Variants in SLC25A11 observed in about 807,000 individuals in gnomAD.
SLC25A11 encodes solute carrier family 25 member 11.
A neutral mutation model predicts 32.7 loss-of-function variants in SLC25A11; 11 were observed. The observed-to-expected ratio is 0.34, with a 90% CI of 0.21 to 0.56. The LOEUF (loss-of-function observed/expected upper bound fraction) is 0.56, where lower values mean the gene tolerates loss of function less well. Ranked by LOEUF, SLC25A11 falls within the 20% of genes least tolerant of loss-of-function variation. The probability of loss-of-function intolerance (pLI) is 0.90; values close to 1 mark genes in which losing one functional copy is unlikely to be tolerated. For synonymous variants in SLC25A11, 163 were observed against 168.3 expected (o/e 0.97, Z 0.24); for missense variants, 295 against 426.3 (o/e 0.69, Z 2.71).
Position 4,939,939 on chromosome 17 carries a change from C to A in SLC25A11, c.-29G>T. The A allele has an allele frequency of 6.4e-7, 1 of 1,572,340 alleles. No individual in the cohort carries two copies. The highest frequency in any genetic ancestry group is 1.1e-5 in the South Asian group (1 of 87,818). ...CACTCAATGGCCCTCGGCTCCGGGT[C>A]CCGTGCGCGCGCGGCCCCGCTCGCG... On this transcript the variant is annotated 5_prime_UTR_variant, in exon 1 of 8. Transcript: ENST00000225665. The surrounding 1 kb of genome is among the most constrained non-coding windows in gnomAD (Gnocchi z 4.1).
In SLC25A11 at chr17:4,939,476, C is replaced by A; in HGVS notation, c.96-264G>T. On this transcript the variant is annotated intron_variant, in intron 1 of 7. Coordinates refer to ENST00000225665, the MANE Select transcript of SLC25A11 (RefSeq NM_003562.5). This position sits in a 1 kb window ranked among gnomAD's most constrained non-coding sequence, Gnocchi z 4.1. ...GCAGTGACCTGGGGCTGCACGCAGT[C>A]CGACACAGGGAGGGGAGGAAGGGGC... The A allele has an allele frequency of 1.7e-6, 1 of 578,386 alleles. No homozygotes were observed. The highest frequency in any genetic ancestry group is 3.1e-6 in the Non-Finnish European group (1 of 326,896). The allele number at this position is 578,386 out of a possible 1,614,324, so 35.8% of individuals were successfully genotyped here.
chr17:4,939,151 C>T lies in SLC25A11; in HGVS notation c.157G>A (p.Gly53Arg). The change falls in exon 2 of 8, where the codon GGG (glycine) becomes AGG (arginine). Residue 53 changes from glycine (G) to arginine (R), a missense_variant. Transcript: ENST00000225665. This position sits in a 1 kb window ranked among gnomAD's most constrained non-coding sequence, Gnocchi z 4.1. ...DLVKNRMQLS[G>R]EGAKTREYKT... ...TACTCTCGAGTCTTGGCCCCTTCCC[C>T]GCTCAACTGCATCCGGTTCTTCACC... 4 of 1,613,882 alleles carry T rather than the reference C, an allele frequency of 2.5e-6. No homozygotes were observed. The highest frequency in any genetic ancestry group is 3.4e-6 in the Non-Finnish European group (4 of 1,179,768).
In SLC25A11 at chr17:4,938,212, T is replaced by C; in HGVS notation, c.679A>G (p.Met227Val). 1 of 1,614,082 alleles carries C rather than the reference T, an allele frequency of 6.2e-7. No individual in the cohort carries two copies. The highest frequency in any genetic ancestry group is 8.5e-7 in the Non-Finnish European group (1 of 1,179,972). Residue 227 changes from methionine (M) to valine (V), a missense_variant, in exon 6 of 8, where the codon ATG becomes GTG. By Grantham distance (21) the Met-to-Val change is conservative (BLOSUM62 1). This residue lies in a region of SLC25A11 where 142 missense variants were observed against 197.8 expected (regional missense o/e 0.72). Transcript: ENST00000225665. This position sits in a 1 kb window ranked among gnomAD's most constrained non-coding sequence, Gnocchi z 7.6. ...DNILCHFCAS[M>V]ISGLVTTAAS... ...GCAGTGGTGACAAGACCGCTGATCA[T>C]GCTGGCACAGAAGTGGCACAAGATG...
In SLC25A11 at chr17:4,939,925, C is replaced by T; in HGVS notation, c.-15G>A. On this transcript the variant is annotated 5_prime_UTR_variant, in exon 1 of 8. Coordinates refer to ENST00000225665, the MANE Select transcript of SLC25A11 (RefSeq NM_003562.5). The surrounding 1 kb of genome is among the most constrained non-coding windows in gnomAD (Gnocchi z 4.1). ...GTCGCCGCCATCGCCACTCAATGGC[C>T]CTCGGCTCCGGGTCCCGTGCGCGCG... 1 of 1,602,750 alleles carries T rather than the reference C, an allele frequency of 6.2e-7. No individual in the cohort carries two copies. Among genetic ancestry groups the T allele is most frequent in the Non-Finnish European group, 8.5e-7 (1 of 1,174,418 alleles).
chr17:4,938,063 A>G lies in SLC25A11; in HGVS notation c.749T>C (p.Met250Thr). The change falls in exon 7 of 8, where the codon ATG (methionine) becomes ACG (threonine). Residue 250 changes from methionine (M) to threonine (T), a missense_variant. Transcript: ENST00000225665. The surrounding 1 kb of genome is among the most constrained non-coding windows in gnomAD (Gnocchi z 7.6). ...VDIAKTRIQN[M>T]RMIDGKPEYK... ...TTCCGGCTTCCCATCAATCATCCGC[A>G]TGTTCTGGATTCTGCAGGAGAGGAC... 6.2e-7 allele frequency: 1 copy of G among 1,613,936 alleles called. No homozygotes were observed. Among genetic ancestry groups the G allele is most frequent in the Non-Finnish European group, 8.5e-7 (1 of 1,179,964 alleles).
chr17:4,938,264 T>C lies in SLC25A11; in HGVS notation c.638-11A>G. On this transcript the variant is annotated splice_polypyrimidine_tract_variant and intron_variant, in intron 5 of 7. Coordinates refer to ENST00000225665, the MANE Select transcript of SLC25A11 (RefSeq NM_003562.5). This position sits in a 1 kb window ranked among gnomAD's most constrained non-coding sequence, Gnocchi z 7.6. ...TGTCAGAGAAGTAGCCTGGGGGAGG[T>C]GAGGCGGGGGTGGCAGTCAGCTCAG... 6.2e-7 allele frequency: 1 copy of C among 1,612,112 alleles called. No homozygotes were observed. Among genetic ancestry groups the C allele is most frequent in the Non-Finnish European group, 8.5e-7 (1 of 1,179,202 alleles).
Position 4,939,983 on chromosome 17 carries a change from G to A in SLC25A11, c.-73C>T, listed in dbSNP as rs1475206475. ...GCTCGCGCCCAAGGTGACACCGCGC[G>A]CGCAACAGAGCGAGGGCGCGCGCAC... On this transcript the variant is annotated 5_prime_UTR_variant, in exon 1 of 8. Coordinates refer to ENST00000225665, the MANE Select transcript of SLC25A11 (RefSeq NM_003562.5). The surrounding 1 kb of genome is among the most constrained non-coding windows in gnomAD (Gnocchi z 4.1). The A allele has an allele frequency of 2.1e-5, 23 of 1,111,468 alleles. No homozygotes were observed. The highest frequency in any genetic ancestry group is 2.6e-5 in the Non-Finnish European group (21 of 811,234). 68.9% of individuals were successfully genotyped at this position (1,111,468 alleles called of 1,614,324 possible). A position where few individuals can be genotyped will look rare whatever the true frequency, so the allele number is the denominator to read the frequency against.
In SLC25A11 at chr17:4,937,736, C is replaced by T; in HGVS notation, c.*5G>A. The T allele has an allele frequency of 1.2e-6, 2 of 1,601,252 alleles. No individual in the cohort carries two copies. The highest frequency in any genetic ancestry group is 1.7e-5 in the Admixed American group (1 of 57,948). On this transcript the variant is annotated 3_prime_UTR_variant, in exon 8 of 8. Transcript: ENST00000225665. ...GCAGCAGGCGAGTGGGAGCCCCCGG[C>T]CGCTTCAGCCACTGAGGAAGAGACG...
rs1970579607 is a variant in SLC25A11, at chr17:4,939,531, G to A, written c.95+285C>T. The A allele has an allele frequency of 1.7e-6, 1 of 577,732 alleles. No individual in the cohort carries two copies. The highest frequency in any genetic ancestry group is 2.9e-5 in the East Asian group (1 of 34,260). 35.8% of individuals were successfully genotyped at this position (577,732 alleles called of 1,614,324 possible). ...AAGATTTAGGACTCCAGGTAGTCCT[G>A]CAGGAGCCATTTAATGGCCTGGAAC... is the stretch of plus-strand genomic sequence containing the variant. On this transcript the variant is annotated intron_variant, in intron 1 of 7. Coordinates refer to ENST00000225665, the MANE Select transcript of SLC25A11 (RefSeq NM_003562.5). The surrounding 1 kb of genome is among the most constrained non-coding windows in gnomAD (Gnocchi z 4.1).
Position 4,938,672 on chromosome 17 carries a change from G to C in SLC25A11, c.456-70C>G, listed in dbSNP as rs769850413. On this transcript the variant is annotated intron_variant, in intron 3 of 7. Coordinates refer to ENST00000225665, the MANE Select transcript of SLC25A11 (RefSeq NM_003562.5). The surrounding 1 kb of genome is among the most constrained non-coding windows in gnomAD (Gnocchi z 7.6). ...GTGCAAAGAAAGGAAGGCCAGAACA[G>C]GTAAACACTCTGCTCCAGATCCGGG... 1.4e-4 allele frequency: 228 copies of C among 1,584,848 alleles called. No individual in the cohort carries two copies. The highest frequency in any genetic ancestry group is 1.9e-4 in the Non-Finnish European group (217 of 1,154,232).
Position 4,938,496 on chromosome 17 carries a change from C to G in SLC25A11, c.546+16G>C. 1 of 1,613,816 alleles carries G rather than the reference C, an allele frequency of 6.2e-7. No individual in the cohort carries two copies. ...CCAGACCTCACAGCCCCCAAGTCTCCAGCCCCTCCACTCACCCGCCACAGT... is the reference window on the plus strand; with the variant it reads ...CCAGACCTCACAGCCCCCAAGTCTCGAGCCCCTCCACTCACCCGCCACAGT... On this transcript the variant is annotated intron_variant, in intron 4 of 7. Transcript: ENST00000225665. This position sits in a 1 kb window ranked among gnomAD's most constrained non-coding sequence, Gnocchi z 7.6.
rs935572393 is a variant in SLC25A11, at chr17:4,939,033, C to T, written c.248+27G>A. 3.7e-6 allele frequency: 6 copies of T among 1,614,092 alleles called. No homozygotes were observed. The highest frequency in any genetic ancestry group is 5.1e-6 in the Non-Finnish European group (6 of 1,180,044). Reference sequence around the variant, plus strand: ...AGGTCTAGAGCTGCCAACCCACAGTCTACCCTCCATCCTGAGGCCCCAATA... The same window carrying T: ...AGGTCTAGAGCTGCCAACCCACAGTTTACCCTCCATCCTGAGGCCCCAATA... On this transcript the variant is annotated intron_variant, in intron 2 of 7. Transcript: ENST00000225665. The surrounding 1 kb of genome is among the most constrained non-coding windows in gnomAD (Gnocchi z 4.1).
rs1300403438 is a variant in SLC25A11 at position 4,939,296 on chromosome 17, A to G, written c.96-84T>C. The G allele has an allele frequency of 1.4e-6, 2 of 1,444,332 alleles. No homozygotes were observed. Among genetic ancestry groups the G allele is most frequent in the African/African-American group, 2.8e-5 (2 of 71,354 alleles). The allele number at this position is 1,444,332 out of a possible 1,614,324, so 89.5% of individuals were successfully genotyped here. A position where few individuals can be genotyped will look rare whatever the true frequency, so the allele number is the denominator to read the frequency against. ...TGGAGCCTGGCAGCAAGAGGTTACA[A>G]AGGTCAGGGCCTGCCATGCGATTCA... On this transcript the variant is annotated intron_variant, in intron 1 of 7. Transcript: ENST00000225665. This position sits in a 1 kb window ranked among gnomAD's most constrained non-coding sequence, Gnocchi z 4.1.
Position 4,939,268 on chromosome 17 carries a change from CACTGG to C in SLC25A11, c.96-61_96-57del. 1 of 1,554,768 alleles carries C rather than the reference CACTGG, an allele frequency of 6.4e-7. No homozygotes were observed. The highest frequency in any genetic ancestry group is 1.8e-5 in the Admixed American group (1 of 55,002). The stretch of plus-strand genomic sequence containing the variant: ...CAGGCATTCCAGATCTACCAGTGCC[CACTGG>C]AGCCTGGCAGCAAGAGGTTACAAAG... On this transcript the variant is annotated intron_variant, in intron 1 of 7. Coordinates refer to ENST00000225665, the MANE Select transcript of SLC25A11 (RefSeq NM_003562.5). This position sits in a 1 kb window ranked among gnomAD's most constrained non-coding sequence, Gnocchi z 4.1.
chr17:4,937,683 AG>A lies in SLC25A11; in HGVS notation c.*57del, dbSNP rs767219552. ...AGAGGGGTCCAGGGCAGCAGAGCCCAGGCCCCCAGGGCGCAGTGGCTATAGG... is the reference window on the plus strand; with the variant it reads ...AGAGGGGTCCAGGGCAGCAGAGCCCAGCCCCCAGGGCGCAGTGGCTATAGG... On this transcript the variant is annotated 3_prime_UTR_variant, in exon 8 of 8. Transcript: ENST00000225665. 23 of 1,529,568 alleles carry A rather than the reference AG, an allele frequency of 1.5e-5. No individual in the cohort carries two copies. The highest frequency in any genetic ancestry group is 2.0e-5 in the Non-Finnish European group (23 of 1,138,780). The allele number at this position is 1,529,568 out of a possible 1,614,324, so 94.7% of individuals were successfully genotyped here.
Position 4,940,023 on chromosome 17 carries a change from C to T in SLC25A11, c.-113G>A, listed in dbSNP as rs984842439. 3 of 653,666 alleles carry T rather than the reference C, an allele frequency of 4.6e-6. No individual in the cohort carries two copies. The highest frequency in any genetic ancestry group is 4.7e-6 in the Non-Finnish European group (2 of 422,746). 40.5% of individuals were successfully genotyped at this position (653,666 alleles called of 1,614,324 possible). On this transcript the variant is annotated 5_prime_UTR_variant, in exon 1 of 8. Transcript: ENST00000225665. ...GGCGCGCGCACGCCCCTCCAGCTCT[C>T]AGGTCCGACACCCGCTGGAAGCCGG...
At position 4,939,291 on chromosome 17, in the gene SLC25A11, T is replaced by C; in HGVS notation, c.96-79A>G. The C allele has an allele frequency of 6.7e-7, 1 of 1,483,554 alleles. No individual in the cohort carries two copies. 91.9% of individuals were successfully genotyped at this position (1,483,554 alleles called of 1,614,324 possible). A position where few individuals can be genotyped will look rare whatever the true frequency, so the allele number is the denominator to read the frequency against. On this transcript the variant is annotated intron_variant, in intron 1 of 7. Transcript: ENST00000225665. The surrounding 1 kb of genome is among the most constrained non-coding windows in gnomAD (Gnocchi z 4.1). ...CCCACTGGAGCCTGGCAGCAAGAGG[T>C]TACAAAGGTCAGGGCCTGCCATGCG...
Position 4,938,131 on chromosome 17 carries a change from C to G in SLC25A11, c.737+23G>C. The G allele has an allele frequency of 6.2e-7, 1 of 1,614,014 alleles. No homozygotes were observed. The highest frequency in any genetic ancestry group is 1.1e-5 in the South Asian group (1 of 91,080). ...CGAAAGGGCACCCTCCCACCCACCT[C>G]CAGGCCCAGGCTGCACACTCACCGG... On this transcript the variant is annotated intron_variant, in intron 6 of 7. Coordinates refer to ENST00000225665, the MANE Select transcript of SLC25A11 (RefSeq NM_003562.5). The surrounding 1 kb of genome is among the most constrained non-coding windows in gnomAD (Gnocchi z 7.6).
chr17:4,939,316 G>A lies in SLC25A11; in HGVS notation c.96-104C>T. On this transcript the variant is annotated intron_variant, in intron 1 of 7. Transcript: ENST00000225665. The surrounding 1 kb of genome is among the most constrained non-coding windows in gnomAD (Gnocchi z 4.1). ...TTACAAAGGTCAGGGCCTGCCATGCGATTCAAGAATCAGGATGCTGGTGAG... is the reference window on the plus strand; with the variant it reads ...TTACAAAGGTCAGGGCCTGCCATGCAATTCAAGAATCAGGATGCTGGTGAG... 7.9e-7 allele frequency: 1 copy of A among 1,265,326 alleles called. No homozygotes were observed. The highest frequency in any genetic ancestry group is 1.1e-6 in the Non-Finnish European group (1 of 926,784). 78.4% of individuals were successfully genotyped at this position (1,265,326 alleles called of 1,614,324 possible).
Sources: allele counts gnomAD v4.1 joint callset, GRCh38; gene constraint gnomAD v4.1.1; regional missense constraint gnomAD v4.1.1; non-coding constraint Gnocchi (gnomAD v3.1); transcripts MANE v1.5; gene names NCBI Gene and HGNC (gene_info 2026-07-23, HGNC 2026-07-21).